CCDC3: variants seen among roughly 807,000 people sequenced by gnomAD.
CCDC3 encodes the protein coiled-coil domain containing 3.
CCDC3 carries 24 observed loss-of-function variants against 21.4 expected under a neutral mutation model. The ratio of observed to expected loss-of-function variants is 1.12; its 90% CI spans 0.81 to 1.58. The LOEUF is 1.58. Ranked by LOEUF, CCDC3 falls within the 40% of genes most tolerant of loss-of-function variation. The pLI is 0.00. For missense variants in CCDC3, 425 were observed against 360.9 expected (o/e 1.18, Z -1.44); for synonymous variants, 186 against 166.0 (o/e 1.12, Z -0.93).
At position 12,918,710 on chromosome 10, in the gene CCDC3, A is replaced by G. The variant is rs74742307; in HGVS notation, c.550-20031T>C. On this transcript the variant is annotated intron_variant, in intron 2 of 2. Transcript: ENST00000378825. ...CCCATGTAACACTATGTGTGATTAA[A>G]CAGATGGAAGGGGGAAGGCTTCCAA... is the stretch of plus-strand genomic sequence containing the variant. 1.3e-3 allele frequency among the ~76,000 whole-genome samples: 205 copies of G among 152,296 alleles called. 4 individuals carry two copies. In the East Asian group the frequency reaches 0.03, roughly 23 times the overall value.
chr10:12,914,491 G>T (rs1354764860), intron 2 of CCDC3, among the ~76,000 whole-genome samples: 1 of 151,978 alleles, frequency 6.6e-6, no homozygotes, highest in Non-Finnish European at 1.5e-5. Flanking sequence ...TGTCACCCAG[G>T]CTGAAGTGCA....
At chr10:13,086,687 C>CGCCG (rs1837111682) in intron 3 of CCDC3, among the ~76,000 whole-genome samples, 4 of 152,134 alleles carry the variant, frequency 2.6e-5, no homozygotes, top group Non-Finnish European at 5.9e-5. Flanking sequence ...ACCTCGTGAC[C>CGCCG]CGCCTGCCTC....
At position 13,082,147 on chromosome 10, in the gene CCDC3, C is replaced by A. The variant is rs1326344889; in HGVS notation, c.-502-8047G>T. ...GAAAAGACAGCTGGGCCCAGGGGAC[C>A]ACTACCACCAAGATGTGGAGACTGA... is the stretch of plus-strand genomic sequence containing the variant. On this transcript the variant is annotated intron_variant, in intron 3 of 6. Coordinates refer to the CCDC3 transcript ENST00000378839. Among the ~76,000 whole-genome samples, 4 of 152,106 alleles carry A rather than the reference C, an allele frequency of 2.6e-5. No individual in the cohort carries two copies. In the East Asian group the frequency reaches 5.8e-4, roughly 22 times the overall value.
chr10:12,982,234 T>C (rs919047378), intron 2 of CCDC3, among the ~76,000 whole-genome samples: 3 of 143,876 alleles, frequency 2.1e-5, no homozygotes, highest in African/African-American at 7.9e-5. Context: ...CTAAGTGAAA[T>C]GAGCCAGTCA....
chr10:12,990,053 C>T (rs1835657408), intron 2 of CCDC3, among the ~76,000 whole-genome samples: 1 of 151,986 alleles, frequency 6.6e-6, no homozygotes, highest in South Asian at 2.1e-4. Flanking sequence ...GAGATCGAGA[C>T]CATCCTGGCT....
At chr10:12,964,930 A>G (rs996298991) in intron 2 of CCDC3, among the ~76,000 whole-genome samples, 3 of 152,240 alleles carry the variant, frequency 2.0e-5, no homozygotes, top group Non-Finnish European at 4.4e-5. Context: ...CTTGAAAAAC[A>G]GTACATGCAG....
chr10:12,959,810 A>C (rs967149484), intron 2 of CCDC3, among the ~76,000 whole-genome samples: 8 of 152,122 alleles, frequency 5.3e-5, no homozygotes, highest in Non-Finnish European at 1.2e-4. Flanking sequence ...ATGGCACCCA[A>C]AACACTCACA....
At position 12,947,010 on chromosome 10, in the gene CCDC3, CT is replaced by C. The variant is rs201122507; in HGVS notation, c.550-48332del. On this transcript the variant is annotated intron_variant, in intron 2 of 2. Transcript: ENST00000378825. ...GCCAGCTCTCTTATTGCTGGTTTTC[CT>C]TTTTTGTTTCTATCTCCACAGTTTA... Among the ~76,000 whole-genome samples, 1,194 of 152,248 alleles carry C rather than the reference CT, an allele frequency of 7.8e-3. 15 individuals carry two copies. The highest frequency in any genetic ancestry group is 0.028 in the African/African-American group (1,159 of 41,544).
chr10:13,003,065 TGGAGGTG>T (rs1835878749), upstream of CCDC3, among the ~76,000 whole-genome samples: 1 of 152,204 alleles, frequency 6.6e-6, no homozygotes, highest in Non-Finnish European at 1.5e-5. Context: ...CATATGAATT[TGGAGGTG>T]GGAGGGGAGA....
At chr10:12,948,882 C>A (rs370691138) in intron 2 of CCDC3, among the ~76,000 whole-genome samples, 17 of 130,586 alleles carry the variant, frequency 1.3e-4, no homozygotes, top group Admixed American at 3.3e-4. Flanking sequence ...CAGGCGCCCA[C>A]CACCATGCCC....
chr10:13,062,426 T>G (rs1182423485), intron 4 of CCDC3, among the ~76,000 whole-genome samples: 1 of 152,196 alleles, frequency 6.6e-6, no homozygotes, highest in Non-Finnish European at 1.5e-5. Context: ...TGTTCCTACT[T>G]CTACTATTCT....
At position 12,967,901 on chromosome 10, in the gene CCDC3, T is replaced by C. The variant is rs1835284538; in HGVS notation, c.549+30437A>G. On this transcript the variant is annotated intron_variant, in intron 2 of 2. Coordinates refer to ENST00000378825, the MANE Select transcript of CCDC3 (RefSeq NM_031455.4). ...AAGTATAAAGACAGGTCGGGCATGG[T>C]GGCTCATGCCTATAATCCCAGCGCT... Among the ~76,000 whole-genome samples the C allele has an allele frequency of 1.3e-5, 2 of 152,180 alleles. 1 individual carries two copies. The highest frequency in any genetic ancestry group is 4.1e-4 in the South Asian group (2 of 4,832).
At chr10:13,040,430 T>C (rs1339931623) in intron 5 of CCDC3, among the ~76,000 whole-genome samples, 3 of 152,238 alleles carry the variant, frequency 2.0e-5, no homozygotes, top group East Asian at 3.9e-4. Flanking sequence ...TGGGGCTAGA[T>C]GCGGTGGCTC....
intron 2 of CCDC3, among the ~76,000 whole-genome samples, chr10:12,949,298 A>AT (rs1834974516): frequency 6.6e-6 from 1 of 152,240 alleles, no homozygotes; most frequent in African/African-American, 2.4e-5. Context: ...GCTATGGGAT[A>AT]TAAGCAGAAG....
At chr10:13,048,464 T>C (rs1045686831) in intron 5 of CCDC3, among the ~76,000 whole-genome samples, 3 of 152,166 alleles carry the variant, frequency 2.0e-5, no homozygotes, top group East Asian at 1.9e-4. Flanking sequence ...AGTGCTGGGA[T>C]TACAGGTGTG....
At chr10:13,052,963 CACACACACACACACACACACACAT>C (rs757217535) in intron 4 of CCDC3, among the ~76,000 whole-genome samples, 3,324 of 133,780 alleles carry the variant, frequency 0.025, 136 homozygotes, top group African/African-American at 0.079. Context: ...CACACACACA[CACACACACACACACACACACACAT>C]ACACACACAC....
intron 5 of CCDC3, among the ~76,000 whole-genome samples, chr10:13,029,265 G>A (rs1485982661): frequency 6.6e-6 from 1 of 152,174 alleles, no homozygotes; most frequent in African/African-American, 2.4e-5. Flanking sequence ...CTCTGCAGCT[G>A]ACGGTCCTGA....
chr10:12,933,356 C>CTTTTTACATGAATTT (rs1834681063), intron 2 of CCDC3, among the ~76,000 whole-genome samples: 1 of 151,848 alleles, frequency 6.6e-6, no homozygotes, highest in Non-Finnish European at 1.5e-5. Context: ...GATTCTCTTT[C>CTTTTTACATGAATTT]TTTTTACATG....
chr10:13,016,292 C>CA (rs1255935746), intron 5 of CCDC3, among the ~76,000 whole-genome samples: 2 of 120,444 alleles, frequency 1.7e-5, no homozygotes, highest in African/African-American at 6.3e-5. Context: ...GAGTTGAGCT[C>CA]AAGATTTTCT....
Sources: allele counts gnomAD v4.1 joint callset (sites outside exome capture counted in the v4.1 genomes callset), GRCh38; gene constraint gnomAD v4.1.1; transcripts MANE v1.5; gene names NCBI Gene and HGNC (gene_info 2026-07-23, HGNC 2026-07-21).